Variants in PXDN observed in about 807,000 individuals in gnomAD.
The protein encoded by PXDN is peroxidasin.
A neutral mutation model predicts 140.3 loss-of-function variants in PXDN; 77 were observed. That is an observed-to-expected ratio of 0.55 (90% confidence interval 0.46 to 0.66). The LOEUF (loss-of-function observed/expected upper bound fraction) is 0.66, where lower values mean the gene tolerates loss of function less well. Among genes scored for constraint, PXDN ranks in the 30% least tolerant of loss-of-function variants. PXDN has a pLI of 0.00. For synonymous variants in PXDN, 911 were observed against 857.4 expected (o/e 1.06, Z -1.09); for missense variants, 1,838 against 2,039.5 (o/e 0.90, Z 1.90).
intron 14 of PXDN, among the ~76,000 whole-genome samples, chr2:1,656,884 C>G (rs1683149747): frequency 6.6e-6 from 1 of 150,730 alleles, no homozygotes; most frequent in Non-Finnish European, 1.5e-5. Context: ...CCTGCCCTCT[C>G]CGGACAGGGA....
intron 1 of PXDN, among the ~76,000 whole-genome samples, chr2:1,723,654 AGATG>A (rs1305306824): frequency 3.3e-5 from 5 of 151,878 alleles, no homozygotes; most frequent in African/African-American, 1.2e-4. Context: ...ATAAATGAAT[AGATG>A]GATGAATGAA....
intron 15 of PXDN, 156 bp from the exon 16 acceptor site, chr2:1,653,941 C>T (rs530935710): frequency 2.3e-6 from 2 of 877,196 alleles, no homozygotes; most frequent in East Asian, 2.8e-5. Flanking sequence ...TGGGAGGCAA[C>T]AAAACAAAAA....
chr2:1,687,869 T>C lies in PXDN; in HGVS notation c.345-166A>G, dbSNP rs1194689858. Reference sequence around the variant, plus strand: ...GAGTACAGTGCCTCTCCCAAGGGCTTCCCTTCCCTCAGATCTCAAGGGGGC... The same window carrying C: ...GAGTACAGTGCCTCTCCCAAGGGCTCCCCTTCCCTCAGATCTCAAGGGGGC... On this transcript the variant is annotated intron_variant, in intron 3 of 22. Transcript: ENST00000252804. The surrounding 1 kb of genome is among the most constrained non-coding windows in gnomAD (Gnocchi z 4.0). Among the ~76,000 whole-genome samples the C allele has an allele frequency of 1.3e-5, 2 of 152,126 alleles. No homozygotes were observed. Among genetic ancestry groups the C allele is most frequent in the African/African-American group, 2.4e-5 (1 of 41,436 alleles).
Position 1,660,075 on chromosome 2 carries a change from G to A in PXDN, c.1837+806C>T, listed in dbSNP as rs528786330. On this transcript the variant is annotated intron_variant, in intron 14 of 22. Transcript: ENST00000252804. This position sits in a 1 kb window ranked among gnomAD's most constrained non-coding sequence, Gnocchi z 4.6. Reference sequence around the variant, plus strand: ...TCTCAGAGTGTTGCTAACTCTAGGGGGACAGAGCAGGAGTGGGGAACACAC... The same window carrying A: ...TCTCAGAGTGTTGCTAACTCTAGGGAGACAGAGCAGGAGTGGGGAACACAC... 1.3e-5 allele frequency among the ~76,000 whole-genome samples: 2 copies of A among 152,278 alleles called. No individual in the cohort carries two copies. The highest frequency in any genetic ancestry group is 4.8e-5 in the African/African-American group (2 of 41,556).
intron 5 of PXDN, 30 bp from the exon 6 acceptor site, chr2:1,683,757 T>C: frequency 6.6e-7 from 1 of 1,515,116 alleles, no homozygotes; most frequent in Non-Finnish European, 9.0e-7. Context: ...AACAAACCAA[T>C]TTTGAAAAAT....
At chr2:1,701,527 G>A (rs915090449) in intron 1 of PXDN, among the ~76,000 whole-genome samples, 5 of 152,148 alleles carry the variant, frequency 3.3e-5, no homozygotes, top group African/African-American at 4.8e-5. Context: ...GGACCACTGA[G>A]GTGGGAAACC....
Position 1,666,407 on chromosome 2 carries a change from T to A in PXDN, c.1098A>T (p.Thr366=). 6.2e-7 allele frequency: 1 copy of A among 1,613,832 alleles called. No individual in the cohort carries two copies. Among genetic ancestry groups the A allele is most frequent in the East Asian group, 2.2e-5 (1 of 44,860 alleles). Reference sequence around the variant, plus strand: ...AGGAGATCCGCGGCGGGGGGTGGCCTGTGGCGCTGCACTCCAGCGTGACGC... The same window carrying A: ...AGGAGATCCGCGGCGGGGGGTGGCCAGTGGCGCTGCACTCCAGCGTGACGC... ...GESVTLECSA[T]GHPPPRISWT... The change falls in exon 10 of 23, where the codon ACA becomes ACT. Residue 366 remains threonine, a synonymous_variant. Transcript: ENST00000252804.
chr2:1,666,763 G>C (rs534242853), intron 9 of PXDN, among the ~76,000 whole-genome samples: 2 of 152,238 alleles, frequency 1.3e-5, no homozygotes, highest in East Asian at 3.9e-4. Context: ...AACATGTGCC[G>C]AACTCCATGG....
intron 16 of PXDN, among the ~76,000 whole-genome samples, chr2:1,650,170 C>T (rs920451542): frequency 5.3e-5 from 8 of 152,216 alleles, no homozygotes; most frequent in African/African-American, 1.7e-4. Flanking sequence ...AGGCTTCATG[C>T]TGTTCCCTCA....
intron 1 of PXDN, among the ~76,000 whole-genome samples, chr2:1,704,506 T>A (rs1684538364): frequency 1.6e-5 from 1 of 63,480 alleles, no homozygotes; most frequent in Non-Finnish European, 2.7e-5. Context: ...GGAGGGCAAC[T>A]CCAGGTGAAG....
intron 4 of PXDN, among the ~76,000 whole-genome samples, chr2:1,686,579 G>T (rs181015395): frequency 6.6e-6 from 1 of 152,244 alleles, no homozygotes; most frequent in Non-Finnish European, 1.5e-5. Context: ...ATGAGAACTT[G>T]CTCCTTTGCA....
intron 9 of PXDN, among the ~76,000 whole-genome samples, chr2:1,667,573 C>T (rs1379626264): frequency 6.6e-6 from 1 of 152,174 alleles, no homozygotes; most frequent in Non-Finnish European, 1.5e-5. Flanking sequence ...AGCCCCAAAA[C>T]TCCTTAAGCT....
chr2:1,738,799 G>A (rs1379533017), intron 1 of PXDN, among the ~76,000 whole-genome samples: 1 of 152,118 alleles, frequency 6.6e-6, no homozygotes, highest in African/African-American at 2.4e-5. Flanking sequence ...TGCCCGCCTT[G>A]GCCTCCCAAA....
At chr2:1,689,053 C>T (rs1309370653) in intron 3 of PXDN, among the ~76,000 whole-genome samples, 2 of 152,238 alleles carry the variant, frequency 1.3e-5, no homozygotes, top group African/African-American at 2.4e-5. Context: ...AACTCCCCAG[C>T]GACCGAGAGC....
Position 1,724,387 on chromosome 2 carries a change from C to A in PXDN, c.200+19869G>T, listed in dbSNP as rs878980188. Among the ~76,000 whole-genome samples, 7 of 139,166 alleles carry A rather than the reference C, an allele frequency of 5.0e-5. No individual in the cohort carries two copies. The South Asian group carries it at 1.7e-3, about 35-fold the overall frequency. The allele number at this position is 139,166 out of a possible 152,430, so 91.3% of individuals were successfully genotyped here. Reference sequence around the variant, plus strand: ...GAAAATATCCTTTTTATAGTAGGTTCTTTTGACAAAACATGTAGAGTTGGT... The same window carrying A: ...GAAAATATCCTTTTTATAGTAGGTTATTTTGACAAAACATGTAGAGTTGGT... On this transcript the variant is annotated intron_variant, in intron 1 of 22. Transcript: ENST00000252804.
At chr2:1,706,820 CTAA>C (rs1684624941) in intron 1 of PXDN, among the ~76,000 whole-genome samples, 1 of 136,524 alleles carries the variant, frequency 7.3e-6, no homozygotes, top group Non-Finnish European at 1.5e-5. Flanking sequence ...GCCTGCCCCA[CTAA>C]TAATACAATC....
chr2:1,734,183 C>CA (rs1331670578), intron 1 of PXDN, among the ~76,000 whole-genome samples: 1 of 151,948 alleles, frequency 6.6e-6, no homozygotes, highest in Non-Finnish European at 1.5e-5. Flanking sequence ...TTAAAAATTG[C>CA]AAAAAAGTTA....
At chr2:1,699,873 T>C (rs1684382014) in intron 1 of PXDN, among the ~76,000 whole-genome samples, 1 of 152,182 alleles carries the variant, frequency 6.6e-6, no homozygotes, top group African/African-American at 2.4e-5. Context: ...GTTACTCTCA[T>C]GATGTGATGG....
At chr2:1,711,598 A>G (rs1401698568) in intron 1 of PXDN, among the ~76,000 whole-genome samples, 7 of 23,792 alleles carry the variant, frequency 2.9e-4, no homozygotes, top group Admixed American at 2.3e-3. Context: ...ACCAGCACCC[A>G]CTCTCCACCA....
Sources: gnomAD v4.1 joint callset for allele counts (sites outside exome capture counted in the v4.1 genomes callset) on GRCh38, gnomAD v4.1.1 for gene constraint, Gnocchi (gnomAD v3.1) non-coding constraint, MANE v1.5 for transcripts, NCBI Gene and HGNC (gene_info 2026-07-23, HGNC 2026-07-21) for gene names.